The following MARCHF1 variants were observed in gnomAD, a reference collection of about 807,000 sequenced individuals.
MARCHF1 encodes the protein membrane associated ring-CH-type finger 1, also known as E3 ubiquitin-protein ligase MARCHF1.
Under a neutral mutation model 54.2 loss-of-function variants are expected in MARCHF1, and 40 were observed. The observed-to-expected ratio is 0.74, with a 90% confidence interval of 0.57 to 0.96. MARCHF1 has a LOEUF of 0.96. Among genes scored for constraint, MARCHF1 ranks in the 40% least tolerant of loss-of-function variants. The pLI, the probability that MARCHF1 is intolerant of heterozygous loss-of-function variation, is 0.00. For synonymous variants in MARCHF1, 236 were observed against 236.3 expected, an observed-to-expected ratio of 1.00 and a Z score of 0.01; for missense variants, 586 against 656.5, an observed-to-expected ratio of 0.89 and a Z score of 1.17.
chr4:163,772,267 G>A (rs1173945107), intron 4 of MARCHF1, among the ~76,000 whole-genome samples: 3 of 152,096 alleles, frequency 2.0e-5, no homozygotes, highest in Non-Finnish European at 2.9e-5. Context: ...CTGAAGACAG[G>A]GAATAATGTA....
chr4:164,041,585 T>C (rs766728812), intron 2 of MARCHF1, among the ~76,000 whole-genome samples: 8 of 152,160 alleles, frequency 5.3e-5, no homozygotes, highest in Non-Finnish European at 1.0e-4. Context: ...TAGATGAAAA[T>C]ATTTAAATGC....
chr4:164,378,840 T>C (rs1731276936), intron 1 of MARCHF1, among the ~76,000 whole-genome samples: 1 of 152,158 alleles, frequency 6.6e-6, no homozygotes, highest in South Asian at 2.1e-4. Flanking sequence ...GCCTCCCAAG[T>C]AGCTGGGATT....
chr4:163,728,981 T>C (rs952104065), intron 4 of MARCHF1, among the ~76,000 whole-genome samples: 2 of 152,154 alleles, frequency 1.3e-5, no homozygotes, highest in Non-Finnish European at 2.9e-5. Context: ...ATTTTTATCA[T>C]GAATGGCTAT....
intron 2 of MARCHF1, among the ~76,000 whole-genome samples, chr4:164,038,599 T>C (rs572432655): frequency 7.9e-5 from 12 of 152,332 alleles, no homozygotes; most frequent in African/African-American, 2.9e-4. Context: ...GTATATCCCA[T>C]GGGTGGTCCA....
At chr4:163,571,446 G>C (rs1027940922) in intron 8 of MARCHF1, among the ~76,000 whole-genome samples, 1 of 152,078 alleles carries the variant, frequency 6.6e-6, no homozygotes. Context: ...ATGATGAATC[G>C]TAAGTGGATG....
intron 5 of MARCHF1, among the ~76,000 whole-genome samples, chr4:163,685,460 T>C (rs1416645199): frequency 2.0e-5 from 3 of 152,192 alleles, no homozygotes; most frequent in Non-Finnish European, 4.4e-5. Flanking sequence ...TTTATTTTTA[T>C]TTTTATTGTC....
In MARCHF1 at chr4:163,841,673, C is replaced by T. The variant is rs548947257; in HGVS notation, c.111+12348G>A. On this transcript the variant is annotated intron_variant, in intron 4 of 9. Coordinates refer to ENST00000514618, the MANE Select transcript of MARCHF1 (RefSeq NM_001394959.1). Reference sequence around the variant, plus strand: ...TCTAATTTCCATAGGTGAAATTATTCAACCCATGAAAACAAGATAACCAGT... The same window carrying T: ...TCTAATTTCCATAGGTGAAATTATTTAACCCATGAAAACAAGATAACCAGT... Among the ~76,000 whole-genome samples the T allele has an allele frequency of 2.6e-5, 4 of 152,112 alleles. No homozygotes were observed. The East Asian group carries it at 7.7e-4, about 29-fold the overall frequency.
intron 2 of MARCHF1, among the ~76,000 whole-genome samples, chr4:164,051,958 G>A (rs1337248797): frequency 1.3e-5 from 2 of 152,100 alleles, no homozygotes; most frequent in Non-Finnish European, 2.9e-5. Flanking sequence ...TACCTAAAAT[G>A]AATGTTGCTA....
intron 4 of MARCHF1, among the ~76,000 whole-genome samples, chr4:163,846,490 A>G (rs775246676): frequency 2.0e-5 from 3 of 152,170 alleles, no homozygotes; most frequent in Non-Finnish European, 2.9e-5. Context: ...ATAACTCGGA[A>G]GAGAGTGAGG....
At chr4:164,135,486 C>T (rs554945844) in intron 1 of MARCHF1, 1 of 152,300 alleles carries the variant, frequency 6.6e-6, no homozygotes, top group African/African-American at 2.4e-5. Flanking sequence ...CAAACACATC[C>T]TTCTTCACAT....
chr4:163,574,856 T>G lies in MARCHF1; in HGVS notation c.1191+10893A>C, dbSNP rs555639057. 2.6e-4 allele frequency among the ~76,000 whole-genome samples: 39 copies of G among 151,592 alleles called. No homozygotes were observed. In the East Asian group the frequency reaches 6.9e-3, roughly 27 times the overall value. ...GTTTTTTCCAATTCTGTGAAGAAAGTCATTGGTAGCTTGATGGGGATGGCA... is the reference window on the plus strand; with the variant it reads ...GTTTTTTCCAATTCTGTGAAGAAAGGCATTGGTAGCTTGATGGGGATGGCA... On this transcript the variant is annotated intron_variant, in intron 8 of 9. Transcript: ENST00000514618.
chr4:163,537,696 T>G (rs1239973902), intron 9 of MARCHF1, among the ~76,000 whole-genome samples: 4 of 152,166 alleles, frequency 2.6e-5, no homozygotes, highest in Admixed American at 2.0e-4. Context: ...GGACAGCAAT[T>G]AAAAGAGCAG....
chr4:163,686,437 G>A (rs1304940140), intron 5 of MARCHF1, among the ~76,000 whole-genome samples: 1 of 145,008 alleles, frequency 6.9e-6, no homozygotes, highest in African/African-American at 2.5e-5. Context: ...CCAAATTTCT[G>A]TTATTAGCTT....
chr4:163,626,453 T>G (rs1390613871), intron 5 of MARCHF1, among the ~76,000 whole-genome samples: 1 of 152,230 alleles, frequency 6.6e-6, no homozygotes, highest in African/African-American at 2.4e-5. Flanking sequence ...TAATCGTGCA[T>G]AATCATTTAC....
chr4:163,573,171 C>G (rs1256769321), intron 8 of MARCHF1, among the ~76,000 whole-genome samples: 1 of 151,998 alleles, frequency 6.6e-6, no homozygotes, highest in Non-Finnish European at 1.5e-5. Context: ...TGACACTTTA[C>G]TGAAGTTGTT....
At chr4:163,932,555 T>G (rs1751700245) in intron 3 of MARCHF1, 1 of 361,944 alleles carries the variant, frequency 2.8e-6, no homozygotes, top group Non-Finnish European at 5.4e-6. Flanking sequence ...TCCAGAAGGC[T>G]AAGCTAGCTG....
chr4:164,013,433 G>T (rs541933700), intron 2 of MARCHF1, among the ~76,000 whole-genome samples: 92 of 152,140 alleles, frequency 6.0e-4, no homozygotes, highest in African/African-American at 2.2e-3. Context: ...ACAAATATAG[G>T]CGTTATTGGC....
chr4:164,188,625 A>G, intron 1 of MARCHF1: 8 of 1,011,568 alleles, frequency 7.9e-6, no homozygotes, highest in Non-Finnish European at 1.3e-5. Context: ...GCCACGAACC[A>G]GCTCACCTCC....
intron 1 of MARCHF1, among the ~76,000 whole-genome samples, chr4:164,313,977 C>A (rs927313957): frequency 8.5e-5 from 13 of 152,218 alleles, no homozygotes; most frequent in African/African-American, 2.9e-4. Flanking sequence ...TCTTTTACTC[C>A]ATTTCTATTC....
Sources: allele counts gnomAD v4.1 joint callset (sites outside exome capture counted in the v4.1 genomes callset), GRCh38; gene constraint gnomAD v4.1.1; transcripts MANE v1.5; gene names NCBI Gene and HGNC (gene_info 2026-07-23, HGNC 2026-07-21).